The following PLCB1 variants were observed in gnomAD, a reference collection of about 807,000 sequenced individuals.
The protein encoded by PLCB1 is phospholipase C beta 1.
Under a neutral mutation model 161.8 loss-of-function variants are expected in PLCB1, and 46 were observed. The ratio of observed to expected loss-of-function variants is 0.28; its 90% confidence interval spans 0.22 to 0.36. PLCB1 has a LOEUF of 0.36. PLCB1 is among the 10% of genes least tolerant of loss of function. The pLI is 1.00. For missense variants in PLCB1, 1,016 were observed against 1,472.5 expected, an observed-to-expected ratio of 0.69 and a Z score of 5.07; for synonymous variants, 517 against 503.7, an observed-to-expected ratio of 1.03 and a Z score of -0.35.
intron 2 of PLCB1, among the ~76,000 whole-genome samples, chr20:8,176,772 C>T (rs544696514): frequency 3.3e-5 from 5 of 152,146 alleles, no homozygotes; most frequent in Non-Finnish European, 7.4e-5. Flanking sequence ...GGTAAAAGGG[C>T]TCCCTCTATA....
chr20:8,433,706 T>TTCCTCCTCCTCCTCCTCATCC (rs1980164813), intron 3 of PLCB1, among the ~76,000 whole-genome samples: 1 of 146,664 alleles, frequency 6.8e-6, no homozygotes, highest in Non-Finnish European at 1.5e-5. Context: ...CCTTCTCCTC[T>TTCCTCCTCCTCCTCCTCATCC]TCCTCCTCCT....
chr20:8,743,069 G>C (rs1363675287), intron 23 of PLCB1, among the ~76,000 whole-genome samples: 1 of 152,142 alleles, frequency 6.6e-6, no homozygotes, highest in African/African-American at 2.4e-5. Flanking sequence ...CTCTAGCTTG[G>C]ATTTCCAGTA....
intron 2 of PLCB1, among the ~76,000 whole-genome samples, chr20:8,212,069 A>AC (rs1473017155): frequency 2.6e-5 from 4 of 152,058 alleles, no homozygotes; most frequent in African/African-American, 7.2e-5. Context: ...GGGACAAGGA[A>AC]CTTCTCCAAT....
chr20:8,881,832 T>C lies in PLCB1; in HGVS notation c.3634T>C (p.Phe1212Leu). The change falls in exon 32 of 32, where the codon TTT becomes CTT. Residue 1212 changes from phenylalanine to leucine, a missense_variant. By Grantham distance (22) the Phe-to-Leu change is conservative. Coordinates refer to ENST00000338037, the MANE Select transcript of PLCB1 (RefSeq NM_015192.4). ...ELGGDIPGKE[F>L]DTPL ...GGGAGGAGACATCCCAGGAAAAGAATTTGATACTCCTCTGTGAATGCTCCT... is the reference window on the plus strand; with the variant it reads ...GGGAGGAGACATCCCAGGAAAAGAACTTGATACTCCTCTGTGAATGCTCCT... 6.2e-7 allele frequency: 1 copy of C among 1,612,392 alleles called. No individual in the cohort carries two copies. The highest frequency in any genetic ancestry group is 8.5e-7 in the Non-Finnish European group (1 of 1,178,400).
chr20:8,659,994 A>G (rs1989578619), intron 9 of PLCB1, among the ~76,000 whole-genome samples: 2 of 150,092 alleles, frequency 1.3e-5, no homozygotes, highest in African/African-American at 4.9e-5. Flanking sequence ...TCTGTCTCAA[A>G]AAAAAAAAAA....
intron 31 of PLCB1, among the ~76,000 whole-genome samples, chr20:8,874,041 AATTGCTAAGCG>A (rs1470052269): frequency 1.3e-5 from 2 of 152,058 alleles, no homozygotes; most frequent in African/African-American, 4.8e-5. Flanking sequence ...TACATCTCAG[AATTGCTAAGCG>A]ATTAAATTTC....
chr20:8,298,994 A>C (rs1263800505), intron 2 of PLCB1, among the ~76,000 whole-genome samples: 2 of 59,196 alleles, frequency 3.4e-5, no homozygotes, highest in African/African-American at 1.8e-4. Flanking sequence ...TTTTGAACCA[A>C]CTTATAGGTA....
At chr20:8,252,356 A>G (rs556007911) in intron 2 of PLCB1, among the ~76,000 whole-genome samples, 33 of 151,920 alleles carry the variant, frequency 2.2e-4, no homozygotes, top group South Asian at 4.1e-4. Flanking sequence ...TGTGAAAACT[A>G]TGCCTAAAGG....
chr20:8,300,183 G>A (rs1371386876), intron 2 of PLCB1, among the ~76,000 whole-genome samples: 1 of 152,172 alleles, frequency 6.6e-6, no homozygotes, highest in Non-Finnish European at 1.5e-5. Flanking sequence ...GCTAGGGAAT[G>A]TTCTCGTGGG....
chr20:8,344,932 G>C (rs576240225), intron 2 of PLCB1, among the ~76,000 whole-genome samples: 2 of 152,176 alleles, frequency 1.3e-5, no homozygotes, highest in African/African-American at 4.8e-5. Flanking sequence ...AATTTGGCAC[G>C]CTGAAAGGAA....
intron 3 of PLCB1, among the ~76,000 whole-genome samples, chr20:8,516,107 C>T: frequency 6.6e-6 from 1 of 152,120 alleles, no homozygotes; most frequent in East Asian, 1.9e-4. Flanking sequence ...AAGACCCTCC[C>T]CCCTGATTCA....
chr20:8,611,760 G>A (rs1336805621), intron 3 of PLCB1, among the ~76,000 whole-genome samples: 1 of 151,966 alleles, frequency 6.6e-6, no homozygotes, highest in Non-Finnish European at 1.5e-5. Context: ...CATTCCCTTG[G>A]CACTGTTTCT....
intron 4 of PLCB1, among the ~76,000 whole-genome samples, chr20:8,643,644 C>G (rs527433713): frequency 1.3e-5 from 2 of 152,276 alleles, no homozygotes; most frequent in Non-Finnish European, 1.5e-5. Flanking sequence ...CATTATTTCA[C>G]TTTGGGAGGC....
intron 3 of PLCB1, among the ~76,000 whole-genome samples, chr20:8,517,516 C>T (rs6055873): frequency 0.33 from 50,167 of 151,924 alleles, 8,566 homozygotes; most frequent in African/African-American, 0.38. Flanking sequence ...GTGGGCTGGG[C>T]GGGAAAACAG....
At chr20:8,556,203 A>G (rs1985948059) in intron 3 of PLCB1, among the ~76,000 whole-genome samples, 1 of 152,048 alleles carries the variant, frequency 6.6e-6, no homozygotes, top group South Asian at 2.1e-4. Flanking sequence ...TGATTCTGGA[A>G]GGAGCAGAGC....
In PLCB1 at chr20:8,564,855, G is replaced by A. The variant is rs1286705703; in HGVS notation, c.247-63439G>A. 3.3e-5 allele frequency among the ~76,000 whole-genome samples: 5 copies of A among 152,218 alleles called. No individual in the cohort carries two copies. In the South Asian group the frequency reaches 1.0e-3, roughly 32 times the overall value. On this transcript the variant is annotated intron_variant, in intron 3 of 31. Transcript: ENST00000338037. ...GGAAACAACAGATGCTGGAGAAGAT[G>A]TGGACAAATAGGAACAATTTTACAC...
chr20:8,780,710 G>T (rs1474209438), intron 27 of PLCB1, among the ~76,000 whole-genome samples: 1 of 152,114 alleles, frequency 6.6e-6, no homozygotes, highest in Non-Finnish European at 1.5e-5. Context: ...GCTATGAATG[G>T]ACGAGCCCAC....
At chr20:8,269,863 A>T (rs975183642) in intron 2 of PLCB1, among the ~76,000 whole-genome samples, 2 of 151,970 alleles carry the variant, frequency 1.3e-5, no homozygotes, top group East Asian at 1.9e-4. Context: ...TAATGTAAAC[A>T]TTCTTTATTT....
chr20:8,719,159 T>A (rs1419837285), intron 14 of PLCB1, among the ~76,000 whole-genome samples: 2 of 152,088 alleles, frequency 1.3e-5, no homozygotes, highest in African/African-American at 4.8e-5. Flanking sequence ...GATTGCAGGG[T>A]GATTAAGTGG....
Sources: allele counts gnomAD v4.1 joint callset (sites outside exome capture counted in the v4.1 genomes callset), GRCh38; gene constraint gnomAD v4.1.1; transcripts MANE v1.5; gene names NCBI Gene and HGNC (gene_info 2026-07-23, HGNC 2026-07-21).